Variants in TBKBP1 observed in about 807,000 individuals in gnomAD.
The protein encoded by TBKBP1 is TBK1 binding protein 1, also known as TANK-binding kinase 1-binding protein 1.
TBKBP1 carries 47 observed loss-of-function variants against 69.9 expected under a neutral mutation model. The observed-to-expected ratio is 0.67, with a 90% CI of 0.53 to 0.86. TBKBP1 has a LOEUF of 0.86. Among genes scored for constraint, TBKBP1 ranks in the 40% least tolerant of loss-of-function variants. The pLI, the probability that TBKBP1 is intolerant of heterozygous loss-of-function variation, is 0.00. For missense variants in TBKBP1, 831 were observed against 858.6 expected (o/e 0.97, Z 0.40); for synonymous variants, 418 against 390.3 (o/e 1.07, Z -0.84).
intron 7 of TBKBP1, among the ~76,000 whole-genome samples, chr17:47,700,586 C>T (rs2031462538): frequency 6.6e-6 from 1 of 152,008 alleles, no homozygotes; most frequent in Non-Finnish European, 1.5e-5. Context: ...TGGGTTCACC[C>T]TCCCCTCCCT....
chr17:47,710,471 A>G (rs2031885120), intron 9 of TBKBP1, 27 bp from the exon 10 acceptor site: 1 of 1,595,948 alleles, frequency 6.3e-7, no homozygotes, highest in Non-Finnish European at 8.6e-7. Context: ...GCTGGGGACC[A>G]TAAGTGACTT....
rs535159701 is a variant in TBKBP1, at chr17:47,697,248, C to T, written c.453+55C>T. ...GGATGTGTAGCTGGTTGTGTGTGTG[C>T]ATGTGTGCATTTAGTTCTGTGTGTG... On this transcript the variant is annotated intron_variant, in intron 4 of 9. Coordinates refer to ENST00000578982, the MANE Select transcript of TBKBP1 (RefSeq NM_001394755.1). The T allele has an allele frequency of 1.3e-5, 19 of 1,453,376 alleles. 1 individual carries two copies. The highest frequency in any genetic ancestry group is 9.5e-7 in the Non-Finnish European group (1 of 1,051,542). The allele number at this position is 1,453,376 out of a possible 1,614,324, so 90.0% of individuals were successfully genotyped here. A position where few individuals can be genotyped will look rare whatever the true frequency, so the allele number is the denominator to read the frequency against.
At chr17:47,706,867 A>G (rs554245879) in intron 7 of TBKBP1, among the ~76,000 whole-genome samples, 93 of 148,912 alleles carry the variant, frequency 6.2e-4, no homozygotes, top group Non-Finnish European at 1.1e-3. Context: ...ACACACACAC[A>G]CACGCACACA....
rs2031788697 is a variant in TBKBP1, at chr17:47,708,743, T to A, written c.1010T>A (p.Leu337Gln). Residue 337 changes from leucine (L) to glutamine (Q), a missense_variant, in exon 9 of 10, where the codon CTG (leucine) becomes CAG (glutamine). Transcript: ENST00000578982. The surrounding 1 kb of genome is among the most constrained non-coding windows in gnomAD (Gnocchi z 4.4). ...CTTCCAGGCCAGAGGCACTCGCCGCTGTCACAACGCCACTCCCCGGCCCCC... is the reference window on the plus strand; with the variant it reads ...CTTCCAGGCCAGAGGCACTCGCCGCAGTCACAACGCCACTCCCCGGCCCCC... ...ARSGGQRHSP[L>Q]SQRHSPAPQC... 1.4e-6 allele frequency: 2 copies of A among 1,477,988 alleles called. No homozygotes were observed. Among genetic ancestry groups the A allele is most frequent in the Non-Finnish European group, 1.8e-6 (2 of 1,117,572 alleles). 91.6% of individuals were successfully genotyped at this position (1,477,988 alleles called of 1,614,324 possible).
chr17:47,710,399 C>A, intron 9 of TBKBP1, 99 bp from the exon 10 acceptor site: 1 of 1,507,310 alleles, frequency 6.6e-7, no homozygotes, highest in Non-Finnish European at 9.0e-7. Context: ...CTGCATGCCA[C>A]AGCCCTCCCT....
At chr17:47,704,062 TTAA>T (rs1292136903) in intron 7 of TBKBP1, among the ~76,000 whole-genome samples, 1 of 152,178 alleles carries the variant, frequency 6.6e-6, no homozygotes, top group Non-Finnish European at 1.5e-5. Flanking sequence ...GGGGGCACTA[TTAA>T]TAATTATGCT....
At chr17:47,703,302 C>T (rs1052550978) in intron 7 of TBKBP1, among the ~76,000 whole-genome samples, 5 of 152,098 alleles carry the variant, frequency 3.3e-5, no homozygotes, top group African/African-American at 9.7e-5. Flanking sequence ...AAACTCTGCA[C>T]GGAGGTCAAG....
At chr17:47,698,557 G>C in intron 4 of TBKBP1, 38 bp from the exon 5 acceptor site, 1 of 1,536,626 alleles carries the variant, frequency 6.5e-7, no homozygotes, top group South Asian at 1.2e-5. Flanking sequence ...GGGAAGTCCT[G>C]GGCCTGTGCA....
chr17:47,710,145 GA>G (rs2031872051), intron 9 of TBKBP1, among the ~76,000 whole-genome samples: 2 of 152,220 alleles, frequency 1.3e-5, no homozygotes, highest in Non-Finnish European at 2.9e-5. Context: ...AAGCCAGACA[GA>G]AAATTATTTT....
intron 7 of TBKBP1, among the ~76,000 whole-genome samples, chr17:47,706,069 A>G (rs895511288): frequency 6.6e-6 from 1 of 152,140 alleles, no homozygotes; most frequent in Admixed American, 6.5e-5. Context: ...CAGGGGAGTG[A>G]CAGGGACCTG....
chr17:47,696,308 C>T lies in TBKBP1; in HGVS notation c.196C>T (p.Arg66Ter), dbSNP rs757083271. The T allele has an allele frequency of 6.2e-7, 1 of 1,613,208 alleles. No homozygotes were observed. Among genetic ancestry groups the T allele is most frequent in the Non-Finnish European group, 8.5e-7 (1 of 1,179,842 alleles). The change falls in exon 2 of 10, where the codon CGA (arginine) becomes TGA (stop). Residue 66 changes from arginine to a stop codon, truncating the protein, a stop_gained. Transcript: ENST00000578982. LOFTEE classifies it high-confidence loss of function. Reference protein sequence around the residue: ...GGLERENATLRRRLKVYEIKY... With the variant: ...GGLERENATL Reference sequence around the variant, plus strand: ...CCTGGAGAGGGAGAACGCCACCCTCCGACGCCGCCTCAAAGTCTACGAGAT... The same window carrying T: ...CCTGGAGAGGGAGAACGCCACCCTCTGACGCCGCCTCAAAGTCTACGAGAT...
chr17:47,710,681 A>G lies in TBKBP1; in HGVS notation c.*55A>G. The G allele has an allele frequency of 2.6e-6, 4 of 1,553,190 alleles. No individual in the cohort carries two copies. The highest frequency in any genetic ancestry group is 4.7e-5 in the East Asian group (2 of 42,642). On this transcript the variant is annotated 3_prime_UTR_variant, in exon 10 of 10. Coordinates refer to ENST00000578982, the MANE Select transcript of TBKBP1 (RefSeq NM_001394755.1). ...CCGTCCTCTCCTATCACCCCCAAAC[A>G]CTCACTTTGAATGCTGCATGAATCT...
In TBKBP1 at chr17:47,708,545, C is replaced by T. The variant is rs374375608; in HGVS notation, c.991+33C>T. On this transcript the variant is annotated intron_variant, in intron 8 of 9. Coordinates refer to ENST00000578982, the MANE Select transcript of TBKBP1 (RefSeq NM_001394755.1). This position sits in a 1 kb window ranked among gnomAD's most constrained non-coding sequence, Gnocchi z 4.4. ...GGGGCAGGGCAGGGGGAGGCAGCCG[C>T]GGGACCCGGGAAGGAGCGGGTAGCC... 8.7e-6 allele frequency: 14 copies of T among 1,606,582 alleles called. No homozygotes were observed. Among genetic ancestry groups the T allele is most frequent in the Middle Eastern group, 1.7e-4 (1 of 6,026 alleles).
At chr17:47,706,361 C>A (rs1423108795) in intron 7 of TBKBP1, among the ~76,000 whole-genome samples, 1 of 152,134 alleles carries the variant, frequency 6.6e-6, no homozygotes, top group East Asian at 1.9e-4. Context: ...CTTGGGGAGT[C>A]CCCAATTTGA....
At chr17:47,698,273 G>T (rs1166552296) in intron 4 of TBKBP1, among the ~76,000 whole-genome samples, 1 of 152,224 alleles carries the variant, frequency 6.6e-6, no homozygotes, top group Non-Finnish European at 1.5e-5. Flanking sequence ...GGTGGGTGAA[G>T]TCCAGAAGCT....
chr17:47,694,609 G>T (rs1458398854), intron 1 of TBKBP1: 1 of 152,264 alleles, frequency 6.6e-6, no homozygotes, highest in Non-Finnish European at 1.5e-5. Context: ...GCCTTCCATT[G>T]CGCTCACCCG....
chr17:47,699,706 C>G lies in TBKBP1; in HGVS notation c.872+9C>G. 1 of 1,613,974 alleles carries G rather than the reference C, an allele frequency of 6.2e-7. No individual in the cohort carries two copies. Among genetic ancestry groups the G allele is most frequent in the South Asian group, 1.1e-5 (1 of 91,076 alleles). ...AGAGTTGGGGATGATCAGTAAGTCA[C>G]ATTGGTAACCCTGGTCCCTCCGTGA... is the stretch of plus-strand genomic sequence containing the variant. On this transcript the variant is annotated intron_variant, in intron 7 of 9. Transcript: ENST00000578982.
At chr17:47,694,422 G>T (rs923452358) in intron 1 of TBKBP1, among the ~76,000 whole-genome samples, 1 of 152,028 alleles carries the variant, frequency 6.6e-6, no homozygotes, top group Non-Finnish European at 1.5e-5. Flanking sequence ...GCCCCGAGAG[G>T]GTGTCCGGGG....
At chr17:47,706,863 A>G (rs1375197610) in intron 7 of TBKBP1, among the ~76,000 whole-genome samples, 1 of 151,248 alleles carries the variant, frequency 6.6e-6, no homozygotes, top group Non-Finnish European at 1.5e-5. Flanking sequence ...ACACACACAC[A>G]CACACACGCA....
Sources: gnomAD v4.1 joint callset for allele counts (sites outside exome capture counted in the v4.1 genomes callset) on GRCh38, gnomAD v4.1.1 for gene constraint, Gnocchi (gnomAD v3.1) non-coding constraint, MANE v1.5 for transcripts, NCBI Gene and HGNC (gene_info 2026-07-23, HGNC 2026-07-21) for gene names.